Variants in RABIF observed in about 807,000 individuals in gnomAD.
RABIF encodes the protein RAB interacting factor.
A neutral mutation model predicts 12.3 loss-of-function variants in RABIF; 13 were observed. The ratio of observed to expected loss-of-function variants is 1.06; its 90% CI spans 0.69 to 1.68. The LOEUF (loss-of-function observed/expected upper bound fraction) is 1.68. Among genes scored for constraint, RABIF ranks in the 40% most tolerant of loss-of-function variants. RABIF has a pLI of 0.00. For missense variants in RABIF, 153 were observed against 158.0 expected (o/e 0.97, Z 0.17); for synonymous variants, 70 against 63.3 (o/e 1.11, Z -0.50).
At chr1:202,885,206 C>A (rs1659543477) in intron 1 of RABIF, among the ~76,000 whole-genome samples, 1 of 151,974 alleles carries the variant, frequency 6.6e-6, no homozygotes, top group African/African-American at 2.4e-5. Flanking sequence ...CTAAAAATGT[C>A]TCCAGATATT....
At chr1:202,883,199 T>C (rs982680481) in intron 1 of RABIF, among the ~76,000 whole-genome samples, 1 of 152,296 alleles carries the variant, frequency 6.6e-6, no homozygotes, top group Non-Finnish European at 1.5e-5. Context: ...ATATACTTTT[T>C]TGTTTTTTTG....
At chr1:202,884,137 G>A (rs1318192078) in intron 1 of RABIF, among the ~76,000 whole-genome samples, 1 of 152,074 alleles carries the variant, frequency 6.6e-6, no homozygotes, top group Non-Finnish European at 1.5e-5. Context: ...AGCGAATCCT[G>A]GACAACCTCT....
rs1659461143 is a variant in RABIF at position 202,879,780 on chromosome 1, C to G, written c.*1198G>C. On this transcript the variant is annotated 3_prime_UTR_variant, in exon 2 of 2. Transcript: ENST00000367262. The stretch of plus-strand genomic sequence containing the variant: ...TAAGGTTTCTGTTTAGTACTTATTT[C>G]AATTTTAGGCCTCCTGAATAGTAGA... 1.3e-5 allele frequency: 2 copies of G among 152,130 alleles called. No homozygotes were observed. Among genetic ancestry groups the G allele is most frequent in the Admixed American group, 6.5e-5 (1 of 15,280 alleles). The allele number at this position is 152,130 out of a possible 1,614,324, so 9.4% of individuals were successfully genotyped here.
chr1:202,879,457 A>G lies in RABIF; in HGVS notation c.*1521T>C, dbSNP rs1394317177. 2 of 152,246 alleles carry G rather than the reference A, an allele frequency of 1.3e-5. No homozygotes were observed. The highest frequency in any genetic ancestry group is 4.8e-5 in the African/African-American group (2 of 41,464). The allele number at this position is 152,246 out of a possible 1,614,324, so 9.4% of individuals were successfully genotyped here. ...GTTCTGGCTTGTGATGTGAGGGGCCATGTGCCCCTAGAGGCATCTACTTGG... is the reference window on the plus strand; with the variant it reads ...GTTCTGGCTTGTGATGTGAGGGGCCGTGTGCCCCTAGAGGCATCTACTTGG... On this transcript the variant is annotated 3_prime_UTR_variant, in exon 2 of 2. Coordinates refer to ENST00000367262, the MANE Select transcript of RABIF (RefSeq NM_002871.5).
chr1:202,884,319 G>A (rs1659529671), intron 1 of RABIF, among the ~76,000 whole-genome samples: 1 of 152,184 alleles, frequency 6.6e-6, no homozygotes, highest in South Asian at 2.1e-4. Context: ...ACAATACAGA[G>A]TACACTTCTG....
intron 1 of RABIF, among the ~76,000 whole-genome samples, chr1:202,888,014 A>C (rs965043403): frequency 6.6e-6 from 1 of 152,232 alleles, no homozygotes; most frequent in Non-Finnish European, 1.5e-5. Flanking sequence ...ACAAAACAAC[A>C]GACACAGATT....
rs776864291 is a variant in RABIF, at chr1:202,879,508, ACT to A, written c.*1468_*1469del. ...GTTTTGCTCCTGACTTGTGTGGATA[ACT>A]CTGTTTTTCTGCACATGCCATAACG... On this transcript the variant is annotated 3_prime_UTR_variant, in exon 2 of 2. Transcript: ENST00000367262. 3 of 152,102 alleles carry A rather than the reference ACT, an allele frequency of 2.0e-5. No homozygotes were observed. Among genetic ancestry groups the A allele is most frequent in the East Asian group, 1.9e-4 (1 of 5,184 alleles). 9.4% of individuals were successfully genotyped at this position (152,102 alleles called of 1,614,324 possible).
intron 1 of RABIF, among the ~76,000 whole-genome samples, chr1:202,884,573 C>T (rs1463960229): frequency 6.6e-6 from 1 of 152,228 alleles, no homozygotes; most frequent in Non-Finnish European, 1.5e-5. Flanking sequence ...GTTAGAAGTC[C>T]GGCTATCCTG....
Position 202,880,523 on chromosome 1 carries a change from A to C in RABIF, c.*455T>G. 1.8e-5 allele frequency: 4 copies of C among 221,444 alleles called. No homozygotes were observed. The highest frequency in any genetic ancestry group is 3.1e-5 in the Non-Finnish European group (4 of 130,088). The allele number at this position is 221,444 out of a possible 1,614,324, so 13.7% of individuals were successfully genotyped here. On this transcript the variant is annotated 3_prime_UTR_variant, in exon 2 of 2. Coordinates refer to ENST00000367262, the MANE Select transcript of RABIF (RefSeq NM_002871.5). The stretch of plus-strand genomic sequence containing the variant: ...TGTAGATCACAAGGGTAGCCATACA[A>C]CAAAGTCACTCTCAGATATTTGTAT...
intron 1 of RABIF, among the ~76,000 whole-genome samples, chr1:202,885,383 G>C (rs1014653263): frequency 3.9e-5 from 6 of 152,212 alleles, no homozygotes; most frequent in Non-Finnish European, 8.8e-5. Flanking sequence ...CAGACTACTA[G>C]GCTATTGCAC....
At chr1:202,882,742 G>T (rs1452435323) in intron 1 of RABIF, among the ~76,000 whole-genome samples, 2 of 151,910 alleles carry the variant, frequency 1.3e-5, no homozygotes, top group Non-Finnish European at 2.9e-5. Flanking sequence ...TTTACCACGT[G>T]TCTACCTCAA....
chr1:202,888,587 G>A (rs1288253779), intron 1 of RABIF, among the ~76,000 whole-genome samples: 2 of 152,226 alleles, frequency 1.3e-5, no homozygotes, highest in African/African-American at 4.8e-5. Flanking sequence ...GGCACCTGCC[G>A]GGTCCTGCAA....
intron 1 of RABIF, among the ~76,000 whole-genome samples, chr1:202,881,432 C>T (rs1475134028): frequency 2.0e-5 from 3 of 151,736 alleles, no homozygotes; most frequent in South Asian, 2.1e-4. Flanking sequence ...GACAGATTCT[C>T]CCACTGTCGC....
At chr1:202,887,707 T>C (rs1220400658) in intron 1 of RABIF, among the ~76,000 whole-genome samples, 1 of 152,096 alleles carries the variant, frequency 6.6e-6, no homozygotes, top group Non-Finnish European at 1.5e-5. Flanking sequence ...TTTTGCCATG[T>C]TGGCCAGGCT....
rs1244592847 is a variant in RABIF at position 202,889,076 on chromosome 1, C to T, written c.23G>A (p.Ser8Asn). 3 of 1,609,668 alleles carry T rather than the reference C, an allele frequency of 1.9e-6. No individual in the cohort carries two copies. Among genetic ancestry groups the T allele is most frequent in the East Asian group, 4.5e-5 (2 of 44,428 alleles). ...TCGGCCCTCGGCTGACACTAACTCGCTCGGCTGCTCCGCTGGTTCCATCGC... is the reference window on the plus strand; with the variant it reads ...TCGGCCCTCGGCTGACACTAACTCGTTCGGCTGCTCCGCTGGTTCCATCGC... MEPAEQP[S>N]ELVSAEGRNR... The change falls in exon 1 of 2, where the codon AGC (serine) becomes AAC (asparagine). Residue 8 changes from serine to asparagine, a missense_variant. This residue lies in a region of RABIF where 113 missense variants were observed against 90.9 expected (regional missense o/e 1.24). Transcript: ENST00000367262.
chr1:202,887,386 A>G (rs1302435441), intron 1 of RABIF, among the ~76,000 whole-genome samples: 2 of 151,260 alleles, frequency 1.3e-5, no homozygotes, highest in Non-Finnish European at 2.9e-5. Flanking sequence ...AGCTATCATT[A>G]GTGTATTTTG....
chr1:202,883,788 C>T (rs1430991794), intron 1 of RABIF, among the ~76,000 whole-genome samples: 1 of 152,198 alleles, frequency 6.6e-6, no homozygotes, highest in African/African-American at 2.4e-5. Flanking sequence ...ATTAACGGTC[C>T]ATTCAAGGCA....
intron 1 of RABIF, among the ~76,000 whole-genome samples, chr1:202,885,991 C>CT (rs1659555393): frequency 6.7e-6 from 1 of 150,228 alleles, no homozygotes; most frequent in Non-Finnish European, 1.5e-5. Flanking sequence ...ACCTTTTTGC[C>CT]TTTTTAAAAG....
At chr1:202,887,264 G>A (rs1479756392) in intron 1 of RABIF, among the ~76,000 whole-genome samples, 1 of 151,642 alleles carries the variant, frequency 6.6e-6, no homozygotes, top group Admixed American at 6.6e-5. Context: ...TGTCCAACCC[G>A]CGGCCGGCAT....
Sources: gnomAD v4.1 joint callset for allele counts (sites outside exome capture counted in the v4.1 genomes callset) on GRCh38, gnomAD v4.1.1 for gene constraint, gnomAD v4.1.1 regional missense constraint, MANE v1.5 for transcripts, NCBI Gene and HGNC (gene_info 2026-07-23, HGNC 2026-07-21) for gene names.